SERAC1: variants seen among roughly 807,000 people sequenced by gnomAD.
SERAC1 encodes protein SERAC1.
SERAC1 carries 36 observed loss-of-function variants against 85.7 expected under a neutral mutation model. That is an observed-to-expected ratio of 0.42 (90% CI 0.32 to 0.55). SERAC1 has a LOEUF of 0.55. Among genes scored for constraint, SERAC1 ranks in the 20% least tolerant of loss-of-function variants. The pLI is 0.11. For missense variants in SERAC1, 629 were observed against 796.2 expected, an observed-to-expected ratio of 0.79 and a Z score of 2.53; for synonymous variants, 242 against 265.3, an observed-to-expected ratio of 0.91 and a Z score of 0.85.
At chr6:158,167,911 C>T (rs1435059844) in intron 1 of SERAC1, among the ~76,000 whole-genome samples, 1 of 152,110 alleles carries the variant, frequency 6.6e-6, no homozygotes, top group Non-Finnish European at 1.5e-5. Flanking sequence ...AAGGCCTCGA[C>T]AGCAGCCAGA....
intron 6 of SERAC1, 42 bp downstream of exon 6, chr6:158,146,740 A>G (rs1429800152): frequency 2.5e-6 from 4 of 1,609,188 alleles, no homozygotes; most frequent in Non-Finnish European, 8.5e-7. Context: ...AGCAATCAAG[A>G]GCCAGCTGAA....
chr6:158,143,341 CTCTCTCTATA>C (rs1193503581), intron 7 of SERAC1, among the ~76,000 whole-genome samples, 157 bp from the exon 8 acceptor site: 376 of 26,074 alleles, frequency 0.014, 1 homozygote, highest in South Asian at 0.023. Flanking sequence ...CTCTCTCTCT[CTCTCTCTATA>C]TATATATATA....
intron 1 of SERAC1, chr6:158,161,401 G>A (rs1174653793): frequency 6.6e-6 from 1 of 150,784 alleles, no homozygotes; most frequent in Non-Finnish European, 1.5e-5. Flanking sequence ...AAAAAAAATA[G>A]TAATAGCTGG....
intron 2 of SERAC1, among the ~76,000 whole-genome samples, 176 bp downstream of exon 2, chr6:158,158,097 A>G (rs1308104486): frequency 2.0e-5 from 3 of 152,200 alleles, no homozygotes; most frequent in Non-Finnish European, 4.4e-5. Flanking sequence ...CTCAAGAAAA[A>G]GGAGTATGTA....
At chr6:158,143,022 C>G in intron 8 of SERAC1, 34 bp downstream of exon 8, 10 of 1,570,076 alleles carry the variant, frequency 6.4e-6, no homozygotes, top group Non-Finnish European at 8.7e-6. Context: ...GGTGGACACT[C>G]AAAAATATTT....
chr6:158,143,347 C>CTATATATA (rs753604114), intron 7 of SERAC1, among the ~76,000 whole-genome samples, 163 bp from the exon 8 acceptor site: 1 of 46,366 alleles, frequency 2.2e-5, no homozygotes, highest in Non-Finnish European at 4.2e-5. Context: ...CTCTCTCTCT[C>CTATATATA]TATATATATA....
At chr6:158,148,820 T>C in intron 5 of SERAC1, 45 bp downstream of exon 5, 1 of 1,342,110 alleles carries the variant, frequency 7.5e-7, no homozygotes, top group Non-Finnish European at 1.0e-6. Flanking sequence ...TCCAATGACT[T>C]TCAGATTACT....
intron 10 of SERAC1, among the ~76,000 whole-genome samples, chr6:158,125,828 T>C (rs554129687): frequency 1.3e-5 from 2 of 152,302 alleles, no homozygotes; most frequent in Non-Finnish European, 2.9e-5. Flanking sequence ...TTACATCATA[T>C]GAAATGGCAT....
intron 8 of SERAC1, among the ~76,000 whole-genome samples, chr6:158,135,878 T>C (rs6906181): frequency 0.53 from 81,190 of 151,902 alleles, 22,083 homozygotes; most frequent in African/African-American, 0.63. Flanking sequence ...GGTGCAATCT[T>C]GGCTCACTGC....
At chr6:158,114,273 A>G (rs891840756) in intron 15 of SERAC1, among the ~76,000 whole-genome samples, 3 of 152,240 alleles carry the variant, frequency 2.0e-5, no homozygotes, top group African/African-American at 7.2e-5. Flanking sequence ...GAAGAAATCA[A>G]GAGATTCTCC....
At position 158,117,393 on chromosome 6, in the gene SERAC1, A is replaced by T; in HGVS notation, c.1403+334T>A. On this transcript the variant is annotated intron_variant, in intron 13 of 16. Transcript: ENST00000647468. The surrounding 1 kb of genome is among the most constrained non-coding windows in gnomAD (Gnocchi z 4.3). ...ATCTTTCTCTTTGCTTCCTTTAGCC[A>T]GTATGATTGTGGACACAAGAACAAA... 1.2e-6 allele frequency: 1 copy of T among 845,668 alleles called. No individual in the cohort carries two copies. Among genetic ancestry groups the T allele is most frequent in the Non-Finnish European group, 1.8e-6 (1 of 552,724 alleles). The allele number at this position is 845,668 out of a possible 1,614,324, so 52.4% of individuals were successfully genotyped here.
chr6:158,160,575 C>A (rs1013814120), intron 1 of SERAC1, among the ~76,000 whole-genome samples: 1 of 152,176 alleles, frequency 6.6e-6, no homozygotes, highest in Non-Finnish European at 1.5e-5. Context: ...TGGTTATAAT[C>A]TTTTGGTATC....
At chr6:158,145,522 C>CA (rs1554263918) in intron 6 of SERAC1, among the ~76,000 whole-genome samples, 1 of 129,206 alleles carries the variant, frequency 7.7e-6, no homozygotes, top group East Asian at 2.2e-4. Flanking sequence ...GAGAATTTTT[C>CA]TTTTTTTTTT....
chr6:158,143,333 CTCTCTCTCTCTCTCTATATA>C (rs1243694387), intron 7 of SERAC1, 149 bp from the exon 8 acceptor site: 198 of 170,644 alleles, frequency 1.2e-3, no homozygotes, highest in African/African-American at 7.3e-3. Flanking sequence ...CTCTCTCTCT[CTCTCTCTCTCTCTCTATATA>C]TATATATATA....
intron 7 of SERAC1, among the ~76,000 whole-genome samples, 161 bp from the exon 8 acceptor site, chr6:158,143,345 CTCTA>C (rs1173562382): frequency 0.017 from 436 of 26,394 alleles, 1 homozygote; most frequent in African/African-American, 0.076. Context: ...CTCTCTCTCT[CTCTA>C]TATATATATA....
In SERAC1 at chr6:158,117,377, T is replaced by C; in HGVS notation, c.1403+350A>G. ...GCTGATATTTCTCAGCATCTTTCTCTTTGCTTCCTTTAGCCAGTATGATTG... is the reference window on the plus strand; with the variant it reads ...GCTGATATTTCTCAGCATCTTTCTCCTTGCTTCCTTTAGCCAGTATGATTG... On this transcript the variant is annotated intron_variant, in intron 13 of 16. Transcript: ENST00000647468. The surrounding 1 kb of genome is among the most constrained non-coding windows in gnomAD (Gnocchi z 4.3). The C allele has an allele frequency of 1.3e-6, 1 of 754,814 alleles. No individual in the cohort carries two copies. Among genetic ancestry groups the C allele is most frequent in the Admixed American group, 2.9e-5 (1 of 34,070 alleles). 46.8% of individuals were successfully genotyped at this position (754,814 alleles called of 1,614,324 possible). A position where few individuals can be genotyped will look rare whatever the true frequency, so the allele number is the denominator to read the frequency against.
chr6:158,117,363 T>C lies in SERAC1; in HGVS notation c.1403+364A>G. 1 of 688,208 alleles carries C rather than the reference T, an allele frequency of 1.5e-6. No individual in the cohort carries two copies. Among genetic ancestry groups the C allele is most frequent in the South Asian group, 2.0e-5 (1 of 49,288 alleles). 42.6% of individuals were successfully genotyped at this position (688,208 alleles called of 1,614,324 possible). ...CAAGGGAAATAGCAGCTGATATTTC[T>C]CAGCATCTTTCTCTTTGCTTCCTTT... On this transcript the variant is annotated intron_variant, in intron 13 of 16. Coordinates refer to ENST00000647468, the MANE Select transcript of SERAC1 (RefSeq NM_032861.4). The surrounding 1 kb of genome is among the most constrained non-coding windows in gnomAD (Gnocchi z 4.3).
intron 3 of SERAC1, among the ~76,000 whole-genome samples, chr6:158,151,409 A>G (rs1785201252): frequency 6.7e-6 from 1 of 149,560 alleles, no homozygotes; most frequent in South Asian, 2.1e-4. Flanking sequence ...GCGACAGAGC[A>G]AGACCTCGTC....
intron 2 of SERAC1, among the ~76,000 whole-genome samples, chr6:158,157,050 G>A (rs1185558764): frequency 2.0e-5 from 3 of 149,800 alleles, no homozygotes; most frequent in African/African-American, 7.4e-5. Context: ...AGGCTGGAGT[G>A]CAATGACACA....
Sources: gnomAD v4.1 joint callset for allele counts (sites outside exome capture counted in the v4.1 genomes callset) on GRCh38, gnomAD v4.1.1 for gene constraint, Gnocchi (gnomAD v3.1) non-coding constraint, MANE v1.5 for transcripts, NCBI Gene and HGNC (gene_info 2026-07-23, HGNC 2026-07-21) for gene names.